B3GALNT1: variants seen among roughly 807,000 people sequenced by gnomAD.
The protein encoded by B3GALNT1 is beta-1,3-N-acetylgalactosaminyltransferase 1 (Globoside blood group).
Under a neutral mutation model 27.3 loss-of-function variants are expected in B3GALNT1, and 17 were observed. That is an observed-to-expected ratio of 0.62 (90% CI 0.43 to 0.94). The LOEUF (loss-of-function observed/expected upper bound fraction) is 0.94. Ranked by LOEUF, B3GALNT1 falls within the 40% of genes least tolerant of loss-of-function variation. The pLI, the probability that B3GALNT1 is intolerant of heterozygous loss-of-function variation, is 0.00. For missense variants in B3GALNT1, 347 were observed against 390.0 expected, an observed-to-expected ratio of 0.89 and a Z score of 0.93; for synonymous variants, 141 against 144.0, an observed-to-expected ratio of 0.98 and a Z score of 0.15.
At chr3:161,088,907 G>T (rs9824308) in intron 4 of B3GALNT1, among the ~76,000 whole-genome samples, 30,394 of 152,114 alleles carry the variant, frequency 0.2, 3,115 homozygotes, top group East Asian at 0.26. Flanking sequence ...ATAAGCCATA[G>T]TTTCTAAATG....
chr3:161,095,019 T>TG (rs1437278544), intron 4 of B3GALNT1, among the ~76,000 whole-genome samples: 1 of 152,068 alleles, frequency 6.6e-6, no homozygotes, highest in Non-Finnish European at 1.5e-5. Context: ...TATATAGAGA[T>TG]GGGGGTCTTG....
chr3:161,104,075 A>G (rs551574681), intron 2 of B3GALNT1: 1 of 296,100 alleles, frequency 3.4e-6, no homozygotes, highest in South Asian at 2.9e-5. Context: ...GGAGTTATCC[A>G]ATGGCCATTC....
intron 4 of B3GALNT1, among the ~76,000 whole-genome samples, chr3:161,092,039 T>G (rs537251921): frequency 6.6e-6 from 1 of 152,328 alleles, no homozygotes; most frequent in South Asian, 2.1e-4. Flanking sequence ...GTCACCATTC[T>G]AACCCAATAA....
chr3:161,101,192 G>A lies in B3GALNT1; in HGVS notation c.-88C>T. ...GCACCACGTGATAGAGCAGCCAGCGGGAAGAGCCAACAGGTCAACCGGGTC... is the reference window on the plus strand; with the variant it reads ...GCACCACGTGATAGAGCAGCCAGCGAGAAGAGCCAACAGGTCAACCGGGTC... On this transcript the variant is annotated 5_prime_UTR_variant, in exon 4 of 5. Transcript: ENST00000320474. 1 of 1,289,906 alleles carries A rather than the reference G, an allele frequency of 7.8e-7. No individual in the cohort carries two copies. The highest frequency in any genetic ancestry group is 1.0e-6 in the Non-Finnish European group (1 of 988,890). The allele number at this position is 1,289,906 out of a possible 1,614,324, so 79.9% of individuals were successfully genotyped here.
intron 4 of B3GALNT1, among the ~76,000 whole-genome samples, chr3:161,094,559 A>G (rs1353873878): frequency 6.6e-6 from 1 of 152,220 alleles, no homozygotes; most frequent in Non-Finnish European, 1.5e-5. Flanking sequence ...GCAAAAAGAA[A>G]TCAAATGTAA....
At chr3:161,102,070 C>T (rs940834764) in intron 3 of B3GALNT1, among the ~76,000 whole-genome samples, 1 of 152,142 alleles carries the variant, frequency 6.6e-6, no homozygotes, top group Non-Finnish European at 1.5e-5. Context: ...CTTTTTTCCC[C>T]ATAAAAGGCA....
intron 4 of B3GALNT1, among the ~76,000 whole-genome samples, chr3:161,098,815 C>T (rs371616483): frequency 1.1e-4 from 17 of 152,306 alleles, no homozygotes; most frequent in African/African-American, 3.8e-4. Flanking sequence ...ACACTTATGA[C>T]ACAAACACAA....
At chr3:161,088,092 G>A (rs944282647) in intron 4 of B3GALNT1, among the ~76,000 whole-genome samples, 6 of 152,106 alleles carry the variant, frequency 3.9e-5, no homozygotes, top group South Asian at 4.2e-4. Flanking sequence ...CTTATGGGAA[G>A]GCTAGTCTAC....
chr3:161,096,785 T>C (rs1285148821), intron 4 of B3GALNT1, among the ~76,000 whole-genome samples: 1 of 152,206 alleles, frequency 6.6e-6, no homozygotes, highest in African/African-American at 2.4e-5. Context: ...CTACTTTTTC[T>C]TCCCCTCTTC....
intron 4 of B3GALNT1, among the ~76,000 whole-genome samples, chr3:161,096,120 A>G (rs1352794141): frequency 6.6e-6 from 1 of 152,252 alleles, no homozygotes; most frequent in Non-Finnish European, 1.5e-5. Flanking sequence ...TCTAACACAT[A>G]GTAGGCTCTC....
intron 4 of B3GALNT1, among the ~76,000 whole-genome samples, chr3:161,087,466 C>T (rs1487076261): frequency 6.6e-6 from 1 of 152,020 alleles, no homozygotes; most frequent in African/African-American, 2.4e-5. Flanking sequence ...ACCACCTCTC[C>T]CCTCCTTTTA....
rs1244469105 is a variant in B3GALNT1, at chr3:161,086,111, T to A, written c.644A>T (p.Tyr215Phe). ...TGYPLIDNYS[Y>F]RGFYQKTHIS... ...ATGGGTTTTTTGGTAAAATCCTCTATAGGAATAATTATCAATTAGAGGATA... is the reference window on the plus strand; with the variant it reads ...ATGGGTTTTTTGGTAAAATCCTCTAAAGGAATAATTATCAATTAGAGGATA... Residue 215 changes from tyrosine to phenylalanine, a missense_variant, in exon 5 of 5, where the codon TAT (tyrosine) becomes TTT (phenylalanine). Physicochemically the swap from Tyr to Phe is conservative, Grantham distance 22. Transcript: ENST00000320474. The A allele has an allele frequency of 1.2e-6, 2 of 1,605,526 alleles. No individual in the cohort carries two copies. Among genetic ancestry groups the A allele is most frequent in the Admixed American group, 1.7e-5 (1 of 58,678 alleles).
chr3:161,101,296 G>A, intron 3 of B3GALNT1, 63 bp from the exon 4 acceptor site: 7 of 1,025,838 alleles, frequency 6.8e-6, no homozygotes, highest in Non-Finnish European at 9.4e-6. Flanking sequence ...TGAAAGCTGG[G>A]CTTTCTGTGT....
At chr3:161,102,383 C>T (rs1198141713) in intron 3 of B3GALNT1, among the ~76,000 whole-genome samples, 1 of 152,162 alleles carries the variant, frequency 6.6e-6, no homozygotes, top group African/African-American at 2.4e-5. Context: ...ATCTCCCAAC[C>T]TTCCAGCACT....
chr3:161,094,757 T>C (rs2108341553), intron 4 of B3GALNT1, among the ~76,000 whole-genome samples: 1 of 152,076 alleles, frequency 6.6e-6, no homozygotes, highest in South Asian at 2.1e-4. Context: ...ACAGGCACAA[T>C]TATTTTGCAC....
At chr3:161,105,105 T>A (rs993730953) in intron 1 of B3GALNT1, 130 bp downstream of exon 1, 10 of 152,074 alleles carry the variant, frequency 6.6e-5, no homozygotes, top group African/African-American at 2.4e-4. Context: ...CCTCCCGGCC[T>A]AGCTGCCGGG....
intron 4 of B3GALNT1, among the ~76,000 whole-genome samples, chr3:161,095,911 C>T (rs941592289): frequency 6.6e-6 from 1 of 152,270 alleles, no homozygotes; most frequent in African/African-American, 2.4e-5. Context: ...CCACTCCCCT[C>T]GGACCTCAAC....
chr3:161,088,603 A>G (rs1324455763), intron 4 of B3GALNT1, among the ~76,000 whole-genome samples: 1 of 152,230 alleles, frequency 6.6e-6, no homozygotes, highest in Non-Finnish European at 1.5e-5. Flanking sequence ...AAGAATTATG[A>G]AAGTAATTAA....
rs543436523 is a variant in B3GALNT1 at position 161,084,691 on chromosome 3, T to C, written c.*1068A>G. 4 of 152,294 alleles carry C rather than the reference T, an allele frequency of 2.6e-5. No individual in the cohort carries two copies. The East Asian group carries it at 7.7e-4, about 29-fold the overall frequency. The allele number at this position is 152,294 out of a possible 1,614,324, so 9.4% of individuals were successfully genotyped here. On this transcript the variant is annotated 3_prime_UTR_variant, in exon 5 of 5. Transcript: ENST00000320474. The stretch of plus-strand genomic sequence containing the variant: ...GGCTTTCATCTTGATGAGAAACTCA[T>C]AACAGCAGCAGCTCAAACTGATTGT...
Sources: gnomAD v4.1 joint callset for allele counts (sites outside exome capture counted in the v4.1 genomes callset) on GRCh38, gnomAD v4.1.1 for gene constraint, MANE v1.5 for transcripts, NCBI Gene and HGNC (gene_info 2026-07-23, HGNC 2026-07-21) for gene names.